Variants in DGKI observed in about 807,000 individuals in gnomAD.
The protein encoded by DGKI is diacylglycerol kinase iota.
Under a neutral mutation model 147.5 loss-of-function variants are expected in DGKI, and 55 were observed. The observed-to-expected ratio is 0.37, with a 90% CI of 0.30 to 0.47. The LOEUF (loss-of-function observed/expected upper bound fraction) is 0.47. Among genes scored for constraint, DGKI ranks in the 20% least tolerant of loss-of-function variants. The probability of loss-of-function intolerance (pLI) is 1.00; values close to 1 mark genes in which losing one functional copy is unlikely to be tolerated. For synonymous variants in DGKI, 469 were observed against 477.1 expected (o/e 0.98, Z 0.22); for missense variants, 1,007 against 1,323.8 (o/e 0.76, Z 3.71).
Position 137,609,617 on chromosome 7 carries a change from G to C in DGKI, c.994-8C>G. On this transcript the variant is annotated splice_polypyrimidine_tract_variant and splice_region_variant and intron_variant, in intron 8 of 32. Transcript: ENST00000614521. ...TGAAGCCTTCAGGGAGTTCTGTAGG[G>C]AGAGAGAGAAATGCCTGAGCTCAGA... The C allele has an allele frequency of 6.2e-7, 1 of 1,609,760 alleles. No homozygotes were observed. The highest frequency in any genetic ancestry group is 8.5e-7 in the Non-Finnish European group (1 of 1,176,634).
chr7:137,846,530 C>G lies in DGKI; in HGVS notation c.333G>C (p.Gln111His), dbSNP rs752709916. Residue 111 changes from glutamine (Q) to histidine (H), a missense_variant, in exon 1 of 33, where the codon CAG becomes CAC. Physicochemically the swap from Gln to His is conservative, Grantham distance 24 (BLOSUM62 0). Around this residue, in one of 5 missense-constraint regions of DGKI, gnomAD observed 259 missense variants for 362.5 expected, o/e 0.71. Coordinates refer to ENST00000614521, the MANE Select transcript of DGKI (RefSeq NM_001321708.2). This position sits in a 1 kb window ranked among gnomAD's most constrained non-coding sequence, Gnocchi z 4.0. The part of the protein sequence containing the change: ...AALDEPAAAG[Q>H]KEKDEALEEK... Reference sequence around the variant, plus strand: ...CCTCCAGCGCTTCGTCCTTCTCCTTCTGGCCGGCGGCCGCGGGCTCGTCCA... The same window carrying G: ...CCTCCAGCGCTTCGTCCTTCTCCTTGTGGCCGGCGGCCGCGGGCTCGTCCA... 5.2e-5 allele frequency: 82 copies of G among 1,565,184 alleles called. No individual in the cohort carries two copies. The South Asian group carries it at 8.7e-4, about 17-fold the overall frequency.
At chr7:137,471,136 T>G (rs1376416295) in intron 23 of DGKI, among the ~76,000 whole-genome samples, 1 of 152,134 alleles carries the variant, frequency 6.6e-6, no homozygotes, top group Non-Finnish European at 1.5e-5. Flanking sequence ...TTACAACATG[T>G]GATTTGGAGC....
chr7:137,689,264 A>C (rs907141677), intron 2 of DGKI, among the ~76,000 whole-genome samples: 1 of 152,212 alleles, frequency 6.6e-6, no homozygotes, highest in African/African-American at 2.4e-5. Context: ...GTCTACAGTT[A>C]GAAACAGTTA....
Position 137,520,458 on chromosome 7 carries a change from A to G in DGKI, c.2248+1408T>C, listed in dbSNP as rs61051125. 6.3e-3 allele frequency among the ~76,000 whole-genome samples: 960 copies of G among 152,236 alleles called. 6 individuals are homozygous for G. The highest frequency in any genetic ancestry group is 0.022 in the African/African-American group (906 of 41,558). ...CAGATTATATGCTAGTCTGTCGCTT[A>G]TAAGTTCACTTAGATTAGAAAATGT... On this transcript the variant is annotated intron_variant, in intron 21 of 32. Transcript: ENST00000614521.
chr7:137,758,808 T>G (rs1230716638), intron 1 of DGKI, among the ~76,000 whole-genome samples: 2 of 152,156 alleles, frequency 1.3e-5, no homozygotes, highest in Non-Finnish European at 2.9e-5. Flanking sequence ...AAGATCACAC[T>G]GGGTGTTATC....
intron 28 of DGKI, among the ~76,000 whole-genome samples, chr7:137,432,204 C>A (rs932699882): frequency 6.6e-6 from 1 of 152,162 alleles, no homozygotes; most frequent in African/African-American, 2.4e-5. Context: ...GCCAATGAAA[C>A]CTCTTTTCTT....
chr7:137,511,225 A>T (rs1373335681), intron 21 of DGKI, among the ~76,000 whole-genome samples: 1 of 152,248 alleles, frequency 6.6e-6, no homozygotes, highest in African/African-American at 2.4e-5. Context: ...AAATGAATAT[A>T]TAAAAAATAC....
intron 27 of DGKI, among the ~76,000 whole-genome samples, chr7:137,452,417 C>T (rs933925656): frequency 1.2e-4 from 18 of 152,298 alleles, no homozygotes; most frequent in East Asian, 1.9e-4. Flanking sequence ...GGAAACAAAG[C>T]GGGAATGCTG....
chr7:137,743,129 C>T (rs955948525), intron 1 of DGKI, among the ~76,000 whole-genome samples: 3 of 152,160 alleles, frequency 2.0e-5, no homozygotes, highest in Non-Finnish European at 2.9e-5. Flanking sequence ...CAGATTTATA[C>T]AACAATTACT....
Position 137,388,787 on chromosome 7 carries a change from A to C in DGKI, c.*2433T>G, listed in dbSNP as rs750630392. ...TATCAAATATTGGTCTCCATGAATA[A>C]CACAGGACTCTAATGCCTTTTTTTT... On this transcript the variant is annotated 3_prime_UTR_variant, in exon 33 of 33. Transcript: ENST00000614521. The C allele has an allele frequency of 8.4e-4, 128 of 151,514 alleles. 1 individual carries two copies. The highest frequency in any genetic ancestry group is 3.5e-3 in the Middle Eastern group (1 of 288). 9.4% of individuals were successfully genotyped at this position (151,514 alleles called of 1,614,324 possible). A position where few individuals can be genotyped will look rare whatever the true frequency, so the allele number is the denominator to read the frequency against.
chr7:137,446,856 T>A (rs1165708730), intron 27 of DGKI, among the ~76,000 whole-genome samples: 1 of 152,202 alleles, frequency 6.6e-6, no homozygotes, highest in Non-Finnish European at 1.5e-5. Flanking sequence ...GAGATAATTA[T>A]CTTAAACCTG....
In DGKI at chr7:137,638,428, C is replaced by CTATA. The variant is rs141779868; in HGVS notation, c.804+7040_804+7043dup. The stretch of plus-strand genomic sequence containing the variant: ...TCAGTCTCTTATCTGGCAAGAACAA[C>CTATA]TATATATATATATATACACACACAC... On this transcript the variant is annotated intron_variant, in intron 6 of 32. Transcript: ENST00000614521. 8.3e-4 allele frequency among the ~76,000 whole-genome samples: 82 copies of CTATA among 98,462 alleles called. 1 individual carries two copies. The Middle Eastern group carries it at 0.018, about 22-fold the overall frequency. The allele number at this position is 98,462 out of a possible 152,430, so 64.6% of individuals were successfully genotyped here.
chr7:137,834,169 A>G (rs950716759), intron 1 of DGKI, among the ~76,000 whole-genome samples: 4 of 152,232 alleles, frequency 2.6e-5, no homozygotes, highest in Non-Finnish European at 5.9e-5. Context: ...AAGGTATATC[A>G]TTGAGCACCT....
Position 137,407,866 on chromosome 7 carries a change from C to T in DGKI, c.2920+9G>A, listed in dbSNP as rs771262453. 4.3e-6 allele frequency: 7 copies of T among 1,613,616 alleles called. No homozygotes were observed. The East Asian group carries it at 1.1e-4, about 26-fold the overall frequency. On this transcript the variant is annotated intron_variant, in intron 30 of 32. Transcript: ENST00000614521. ...AGTGATCCTTGGTAAGTTCACTATG[C>T]CTACTTACCGTGGTCAAGGATATAT... is the stretch of plus-strand genomic sequence containing the variant.
intron 1 of DGKI, among the ~76,000 whole-genome samples, chr7:137,836,672 C>T (rs1331660752): frequency 2.6e-5 from 4 of 152,046 alleles, no homozygotes; most frequent in African/African-American, 9.7e-5. Flanking sequence ...TTTCTTGGCC[C>T]CAGGAAACTG....
At chr7:137,667,649 T>C (rs887411462) in intron 3 of DGKI, among the ~76,000 whole-genome samples, 17 of 151,188 alleles carry the variant, frequency 1.1e-4, no homozygotes, top group Non-Finnish European at 2.2e-4. Flanking sequence ...TGCTTTGATA[T>C]GGAATACTGT....
At chr7:137,421,808 G>C (rs1812581978) in intron 28 of DGKI, among the ~76,000 whole-genome samples, 1 of 152,194 alleles carries the variant, frequency 6.6e-6, no homozygotes, top group African/African-American at 2.4e-5. Context: ...TACATGAAGT[G>C]CTTAATAAAT....
chr7:137,735,048 T>C (rs1794984220), intron 1 of DGKI, among the ~76,000 whole-genome samples: 1 of 152,108 alleles, frequency 6.6e-6, no homozygotes, highest in Admixed American at 6.6e-5. Flanking sequence ...CATGTTAACA[T>C]CTCTTCACTG....
intron 1 of DGKI, among the ~76,000 whole-genome samples, chr7:137,758,281 G>A (rs938097290): frequency 2.0e-5 from 3 of 152,234 alleles, no homozygotes; most frequent in Non-Finnish European, 4.4e-5. Flanking sequence ...CCTGGCCCAA[G>A]TGGTAGCTCC....
Sources: gnomAD v4.1 joint callset for allele counts (sites outside exome capture counted in the v4.1 genomes callset) on GRCh38, gnomAD v4.1.1 for gene constraint, gnomAD v4.1.1 regional missense constraint, Gnocchi (gnomAD v3.1) non-coding constraint, MANE v1.5 for transcripts, NCBI Gene and HGNC (gene_info 2026-07-23, HGNC 2026-07-21) for gene names.